ST8SIA2: variants seen among roughly 807,000 people sequenced by gnomAD.
The protein encoded by ST8SIA2 is alpha-2,8-sialyltransferase 8B.
ST8SIA2 carries 22 observed loss-of-function variants against 37.6 expected under a neutral mutation model. The ratio of observed to expected loss-of-function variants is 0.58; its 90% confidence interval spans 0.42 to 0.83. The LOEUF is 0.83. ST8SIA2 is among the 40% of genes least tolerant of loss of function. The pLI is 0.00. For missense variants in ST8SIA2, 382 were observed against 484.7 expected, an observed-to-expected ratio of 0.79 and a Z score of 1.99; for synonymous variants, 205 against 201.2, an observed-to-expected ratio of 1.02 and a Z score of -0.16.
rs1164640398 is a variant in ST8SIA2, at chr15:92,466,733, T to TCCTCGGG, written c.*2348_*2349insCCTCGGG. On this transcript the variant is annotated 3_prime_UTR_variant, in exon 6 of 6. Coordinates refer to ENST00000268164, the MANE Select transcript of ST8SIA2 (RefSeq NM_006011.4). ...TAGAGACCCCAGGACAATCAACATG[T>TCCTCGGG]GCACCGTTCCCCTCCTCGGCTTGAG... 6.6e-6 allele frequency: 1 copy of TCCTCGGG among 152,270 alleles called. No homozygotes were observed. The highest frequency in any genetic ancestry group is 1.9e-4 in the East Asian group (1 of 5,186). The allele number at this position is 152,270 out of a possible 1,614,324, so 9.4% of individuals were successfully genotyped here.
At position 92,393,966 on chromosome 15, in the gene ST8SIA2, C is replaced by T; in HGVS notation, c.-99C>T. ...TCCGGAGCGCAGGGTGTCTGCCCAG[C>T]TGCGCGCGGCGCGCGGAGGCTCCGG... On this transcript the variant is annotated 5_prime_UTR_variant, in exon 1 of 6. Coordinates refer to ENST00000268164, the MANE Select transcript of ST8SIA2 (RefSeq NM_006011.4). 1 of 740,846 alleles carries T rather than the reference C, an allele frequency of 1.3e-6. No individual in the cohort carries two copies. The highest frequency in any genetic ancestry group is 1.9e-6 in the Non-Finnish European group (1 of 523,904). 45.9% of individuals were successfully genotyped at this position (740,846 alleles called of 1,614,324 possible).
intron 1 of ST8SIA2, among the ~76,000 whole-genome samples, chr15:92,418,021 G>A (rs1005244813): frequency 3.9e-5 from 6 of 152,152 alleles, no homozygotes; most frequent in Non-Finnish European, 7.4e-5. Flanking sequence ...GCCACTTTCT[G>A]CAGGCATAGG....
chr15:92,401,220 GC>G (rs1429343676), intron 1 of ST8SIA2, among the ~76,000 whole-genome samples: 1 of 152,316 alleles, frequency 6.6e-6, no homozygotes. Flanking sequence ...GTGGGGACAA[GC>G]TCATCTTCCG....
At chr15:92,434,172 A>G in intron 2 of ST8SIA2, 75 bp from the exon 3 acceptor site, 1 of 1,605,560 alleles carries the variant, frequency 6.2e-7, no homozygotes, top group Non-Finnish European at 8.5e-7. Flanking sequence ...GCCCGTGCAA[A>G]AACAAAACTA....
At chr15:92,400,361 T>C (rs2049461445) in intron 1 of ST8SIA2, among the ~76,000 whole-genome samples, 1 of 152,204 alleles carries the variant, frequency 6.6e-6, no homozygotes, top group Non-Finnish European at 1.5e-5. Context: ...TATTAAATAT[T>C]TTTTGAAGGA....
At chr15:92,414,836 G>T (rs1166724370) in intron 1 of ST8SIA2, among the ~76,000 whole-genome samples, 2 of 152,226 alleles carry the variant, frequency 1.3e-5, no homozygotes, top group African/African-American at 4.8e-5. Context: ...CGTGGCATTA[G>T]TTGGACGCAG....
In ST8SIA2 at chr15:92,430,472, A is replaced by G. The variant is rs76592620; in HGVS notation, c.161+361A>G. On this transcript the variant is annotated intron_variant, in intron 2 of 5. Coordinates refer to ENST00000268164, the MANE Select transcript of ST8SIA2 (RefSeq NM_006011.4). ...TTTTCACTCAATTTCATTGTGGTAA[A>G]TGGCTCGTCCAGGAGGTTAAGATGG... Among the ~76,000 whole-genome samples, 46 of 152,308 alleles carry G rather than the reference A, an allele frequency of 3.0e-4. No individual in the cohort carries two copies. In the East Asian group the frequency reaches 7.3e-3, roughly 24 times the overall value.
intron 1 of ST8SIA2, chr15:92,422,798 G>A (rs1323091488): frequency 6.6e-6 from 1 of 152,592 alleles, no homozygotes; most frequent in East Asian, 1.9e-4. Context: ...TAAGTTCTGG[G>A]GCAGGCGAGT....
intron 5 of ST8SIA2, among the ~76,000 whole-genome samples, chr15:92,460,786 A>G (rs886648043): frequency 3.3e-5 from 5 of 152,228 alleles, no homozygotes; most frequent in Non-Finnish European, 7.3e-5. Flanking sequence ...GGTCTGCTTC[A>G]TGAAGGTGAA....
chr15:92,433,925 T>C (rs1357338749), intron 2 of ST8SIA2, among the ~76,000 whole-genome samples: 1 of 132,750 alleles, frequency 7.5e-6, no homozygotes, highest in East Asian at 2.7e-4. Context: ...TTCTTATCAA[T>C]AGCTTGAATA....
intron 2 of ST8SIA2, among the ~76,000 whole-genome samples, chr15:92,433,527 C>T (rs552449146): frequency 3.9e-5 from 6 of 152,192 alleles, no homozygotes; most frequent in African/African-American, 1.4e-4. Context: ...TACCCAGAAT[C>T]GTGATCCACC....
intron 1 of ST8SIA2, among the ~76,000 whole-genome samples, chr15:92,395,647 A>G (rs1360923207): frequency 6.6e-6 from 1 of 152,220 alleles, no homozygotes; most frequent in Non-Finnish European, 1.5e-5. Flanking sequence ...TACTTTTCAT[A>G]GCTGCTCGCC....
At chr15:92,401,261 C>T (rs895103866) in intron 1 of ST8SIA2, among the ~76,000 whole-genome samples, 4 of 152,202 alleles carry the variant, frequency 2.6e-5, no homozygotes, top group Admixed American at 6.5e-5. Flanking sequence ...GACACCGTCG[C>T]CTGTGGCCGG....
chr15:92,432,665 G>A (rs2049724195), intron 2 of ST8SIA2, among the ~76,000 whole-genome samples: 1 of 152,144 alleles, frequency 6.6e-6, no homozygotes, highest in African/African-American at 2.4e-5. Context: ...GAGTTCCTCT[G>A]CCTTACTCAA....
At chr15:92,422,558 A>G (rs751939031) in intron 1 of ST8SIA2, 1 of 152,374 alleles carries the variant, frequency 6.6e-6, no homozygotes, top group Non-Finnish European at 1.5e-5. Flanking sequence ...TCAGGAGTGC[A>G]AAGTGGCCCA....
intron 4 of ST8SIA2, among the ~76,000 whole-genome samples, chr15:92,439,697 T>C (rs1248083540): frequency 1.3e-5 from 2 of 152,198 alleles, no homozygotes; most frequent in Non-Finnish European, 2.9e-5. Context: ...CAGAGTTTTG[T>C]CATCCTCTGC....
intron 1 of ST8SIA2, among the ~76,000 whole-genome samples, chr15:92,413,176 G>A (rs2049562134): frequency 6.6e-6 from 1 of 152,162 alleles, no homozygotes; most frequent in Non-Finnish European, 1.5e-5. Context: ...TGCAGAGTAG[G>A]TGCTCCATGA....
chr15:92,429,746 A>G (rs1185318179), intron 1 of ST8SIA2, among the ~76,000 whole-genome samples: 2 of 152,216 alleles, frequency 1.3e-5, no homozygotes, highest in Non-Finnish European at 2.9e-5. Context: ...ACCAGGGGAG[A>G]CTAATCCCCA....
At chr15:92,444,170 G>A (rs537888248) in intron 4 of ST8SIA2, among the ~76,000 whole-genome samples, 1 of 152,300 alleles carries the variant, frequency 6.6e-6, no homozygotes, top group African/African-American at 2.4e-5. Context: ...CAAAGCTAAA[G>A]TAATGGAAGG....
Sources: gnomAD v4.1 joint callset for allele counts (sites outside exome capture counted in the v4.1 genomes callset) on GRCh38, gnomAD v4.1.1 for gene constraint, MANE v1.5 for transcripts, NCBI Gene and HGNC (gene_info 2026-07-23, HGNC 2026-07-21) for gene names.